The following MRPS6 variants were observed in gnomAD, a reference collection of about 807,000 sequenced individuals.
The protein encoded by MRPS6 is mitochondrial ribosomal protein S6.
MRPS6 carries 6 observed loss-of-function variants against 13.1 expected under a neutral mutation model. The observed-to-expected ratio is 0.46, with a 90% CI of 0.25 to 0.91. The LOEUF (loss-of-function observed/expected upper bound fraction) is 0.91. Among genes scored for constraint, MRPS6 ranks in the 40% least tolerant of loss-of-function variants. MRPS6 has a pLI of 0.18. For synonymous variants in MRPS6, 61 were observed against 56.5 expected (o/e 1.08, Z -0.36); for missense variants, 164 against 155.6 (o/e 1.05, Z -0.29).
intron 1 of MRPS6, among the ~76,000 whole-genome samples, chr21:34,093,298 A>G (rs1978802919): frequency 1.3e-5 from 2 of 150,264 alleles, no homozygotes; most frequent in Admixed American, 1.3e-4. Context: ...AGCCGTTGAC[A>G]CTTAGAAAGG....
chr21:34,078,780 A>G (rs1248456215), intron 1 of MRPS6, among the ~76,000 whole-genome samples: 1 of 152,218 alleles, frequency 6.6e-6, no homozygotes, highest in African/African-American at 2.4e-5. Flanking sequence ...ACAAATGATA[A>G]AATACTGTGT....
intron 1 of MRPS6, chr21:34,098,226 A>G: frequency 3.0e-6 from 3 of 998,816 alleles, no homozygotes; most frequent in Non-Finnish European, 1.2e-6. Context: ...TCAGATGATT[A>G]CTCATATATT....
intron 2 of MRPS6, among the ~76,000 whole-genome samples, chr21:34,136,426 G>A (rs546194301): frequency 1.2e-4 from 19 of 152,326 alleles, no homozygotes; most frequent in African/African-American, 3.6e-4. Context: ...GGGATTACAG[G>A]CGTGAGCCAC....
intron 1 of MRPS6, among the ~76,000 whole-genome samples, chr21:34,110,999 A>G (rs1402339208): frequency 6.6e-6 from 1 of 152,196 alleles, no homozygotes; most frequent in Non-Finnish European, 1.5e-5. Flanking sequence ...GAAAGCACAC[A>G]TGCAAAAAAA....
intron 1 of MRPS6, chr21:34,104,873 A>G: frequency 1.0e-6 from 1 of 1,000,262 alleles, no homozygotes; most frequent in South Asian, 4.7e-5. Flanking sequence ...GTACAAAAAA[A>G]TGCTTCTGGA....
chr21:34,108,693 A>C (rs1182418278), intron 1 of MRPS6, among the ~76,000 whole-genome samples: 1 of 152,190 alleles, frequency 6.6e-6, no homozygotes, highest in Non-Finnish European at 1.5e-5. Context: ...GCATGGATAG[A>C]GTCTTTATTC....
intron 1 of MRPS6, among the ~76,000 whole-genome samples, chr21:34,120,002 CTT>C (rs1351625313): frequency 6.6e-6 from 1 of 152,158 alleles, no homozygotes; most frequent in Admixed American, 6.6e-5. Context: ...TTTGAGGACT[CTT>C]GGGCTTTACG....
At chr21:34,109,973 A>G (rs1196901040) in intron 1 of MRPS6, among the ~76,000 whole-genome samples, 1 of 152,124 alleles carries the variant, frequency 6.6e-6, no homozygotes. Flanking sequence ...CTTGTGTTGA[A>G]TCCTCTGGCT....
At chr21:34,080,860 G>A (rs1989443409) in intron 1 of MRPS6, among the ~76,000 whole-genome samples, 1 of 152,188 alleles carries the variant, frequency 6.6e-6, no homozygotes, top group Admixed American at 6.5e-5. Context: ...TTGACCTCGT[G>A]CTAGTAGTTT....
At chr21:34,077,815 G>A (rs887083403) in intron 1 of MRPS6, among the ~76,000 whole-genome samples, 1 of 152,160 alleles carries the variant, frequency 6.6e-6, no homozygotes, top group African/African-American at 2.4e-5. Flanking sequence ...TTCCTAAAAT[G>A]TAGAAAACAG....
chr21:34,142,721 T>G lies in MRPS6; in HGVS notation c.*121T>G. 2 of 1,219,238 alleles carry G rather than the reference T, an allele frequency of 1.6e-6. No individual in the cohort carries two copies. The highest frequency in any genetic ancestry group is 5.6e-5 in the East Asian group (2 of 35,820). The allele number at this position is 1,219,238 out of a possible 1,614,324, so 75.5% of individuals were successfully genotyped here. On this transcript the variant is annotated 3_prime_UTR_variant, in exon 3 of 3. Coordinates refer to ENST00000399312, the MANE Select transcript of MRPS6 (RefSeq NM_032476.4). ...CATGTGTTGCAGGTGCTGTTTGATT[T>G]TTCTAAGGTATTTTTAGCCCTTGAT... is the stretch of plus-strand genomic sequence containing the variant.
chr21:34,099,666 A>G (rs184372137), intron 1 of MRPS6: 111 of 997,694 alleles, frequency 1.1e-4, no homozygotes, highest in Admixed American at 7.4e-4. Flanking sequence ...GGGTCCCTCT[A>G]CCTTCTTTCT....
chr21:34,141,302 G>A (rs1469869217), intron 2 of MRPS6, among the ~76,000 whole-genome samples: 1 of 152,184 alleles, frequency 6.6e-6, no homozygotes, highest in African/African-American at 2.4e-5. Context: ...GTACTTTGTG[G>A]AACAAAACAA....
intron 1 of MRPS6, among the ~76,000 whole-genome samples, chr21:34,083,569 G>A (rs192276026): frequency 3.3e-5 from 5 of 152,336 alleles, no homozygotes; most frequent in Non-Finnish European, 7.3e-5. Context: ...AAATGACCCA[G>A]TCATGGGTTG....
At chr21:34,118,611 C>T (rs991141128) in intron 1 of MRPS6, among the ~76,000 whole-genome samples, 9 of 146,884 alleles carry the variant, frequency 6.1e-5, no homozygotes, top group African/African-American at 2.3e-4. Flanking sequence ...CTCCTTCTGG[C>T]TCAAGTAATT....
Position 34,096,958 on chromosome 21 carries a change from C to T in MRPS6, c.45+23213C>T, listed in dbSNP as rs779532557. 2 of 1,614,026 alleles carry T rather than the reference C, an allele frequency of 1.2e-6. No homozygotes were observed. Among genetic ancestry groups the T allele is most frequent in the Non-Finnish European group, 8.5e-7 (1 of 1,179,960 alleles). ...AATGAGACCATCAACCACATCATTC[C>T]CAACGGGAAATCTGAAGACAGCATT... is the stretch of plus-strand genomic sequence containing the variant. On this transcript the variant is annotated intron_variant, in intron 1 of 2. Coordinates refer to ENST00000399312, the MANE Select transcript of MRPS6 (RefSeq NM_032476.4). This position sits in a 1 kb window ranked among gnomAD's most constrained non-coding sequence, Gnocchi z 5.9.
chr21:34,096,670 A>C lies in MRPS6; in HGVS notation c.45+22925A>C. On this transcript the variant is annotated intron_variant, in intron 1 of 2. Transcript: ENST00000399312. The surrounding 1 kb of genome is among the most constrained non-coding windows in gnomAD (Gnocchi z 5.9). ...GTCCGTTTGATACTGGCCTTTGCCT[A>C]CCGTGCCCCAGAATGTGACCAACCT... is the stretch of plus-strand genomic sequence containing the variant. The C allele has an allele frequency of 6.2e-7, 1 of 1,614,116 alleles. No homozygotes were observed. The highest frequency in any genetic ancestry group is 8.5e-7 in the Non-Finnish European group (1 of 1,179,988).
rs150843183 is a variant in MRPS6, at chr21:34,097,155, C to G, written c.45+23410C>G. On this transcript the variant is annotated intron_variant, in intron 1 of 2. Coordinates refer to ENST00000399312, the MANE Select transcript of MRPS6 (RefSeq NM_032476.4). ...AAAGAAAGAAACGGATGATGGAGGT[C>G]GGTACTGGAAGTTCATAGACTGGTT... The G allele has an allele frequency of 2.3e-5, 37 of 1,613,782 alleles. No homozygotes were observed. The South Asian group carries it at 3.6e-4, about 16-fold the overall frequency.
intron 1 of MRPS6, among the ~76,000 whole-genome samples, chr21:34,111,718 C>G (rs936123805): frequency 6.6e-6 from 1 of 152,158 alleles, no homozygotes; most frequent in African/African-American, 2.4e-5. Flanking sequence ...CTAGGGCTTG[C>G]CCCCTTCCAA....
Sources: allele counts gnomAD v4.1 joint callset (sites outside exome capture counted in the v4.1 genomes callset), GRCh38; gene constraint gnomAD v4.1.1; non-coding constraint Gnocchi (gnomAD v3.1); transcripts MANE v1.5; gene names NCBI Gene and HGNC (gene_info 2026-07-23, HGNC 2026-07-21).